FBXO3: variants seen among roughly 807,000 people sequenced by gnomAD.
The protein encoded by FBXO3 is F-box protein 3.
In FBXO3, 17 loss-of-function variants were observed where a neutral mutation model predicts 64.8. That is an observed-to-expected ratio of 0.26 (90% confidence interval 0.18 to 0.39). The LOEUF is 0.39. FBXO3 is among the 10% of genes least tolerant of loss of function. The pLI, the probability that FBXO3 is intolerant of heterozygous loss-of-function variation, is 1.00. For missense variants in FBXO3, 420 were observed against 589.9 expected, an observed-to-expected ratio of 0.71 and a Z score of 2.98; for synonymous variants, 182 against 201.6, an observed-to-expected ratio of 0.90 and a Z score of 0.82.
At chr11:33,746,472 T>C in intron 10 of FBXO3, 2 of 497,770 alleles carry the variant, frequency 4.0e-6, no homozygotes, top group Admixed American at 6.6e-5. Context: ...CTTAAACCCA[T>C]CCATCAGGGT....
intron 9 of FBXO3, among the ~76,000 whole-genome samples, chr11:33,747,702 G>C (rs978911798): frequency 6.6e-6 from 1 of 151,980 alleles, no homozygotes; most frequent in Non-Finnish European, 1.5e-5. Context: ...AGTAGAGGCA[G>C]GGTTTTGCCA....
At chr11:33,745,541 C>G (rs1854793804) in intron 10 of FBXO3, 1 of 152,066 alleles carries the variant, frequency 6.6e-6, no homozygotes, top group Non-Finnish European at 1.5e-5. Flanking sequence ...TAACTGAAAA[C>G]TCCCCCAAAT....
In FBXO3 at chr11:33,741,776, AC is replaced by A; in HGVS notation, c.*131del. On this transcript the variant is annotated 3_prime_UTR_variant, in exon 11 of 11. Coordinates refer to ENST00000265651, the MANE Select transcript of FBXO3 (RefSeq NM_012175.4). ...AATTCCTAATGTAGTGTCACATAGA[AC>A]CCAGGGCCTGAAACAATATTTCATG... The A allele has an allele frequency of 1.1e-6, 1 of 889,454 alleles. No individual in the cohort carries two copies. 55.1% of individuals were successfully genotyped at this position (889,454 alleles called of 1,614,324 possible). A position where few individuals can be genotyped will look rare whatever the true frequency, so the allele number is the denominator to read the frequency against.
rs1354924236 is a variant in FBXO3, at chr11:33,743,756, T to G, written c.1240-1672A>C. ...CCTAATTCCCTCTGCTCCTTTCACG[T>G]TTCAGCTTAAATGTCACCAAGGCCT... is the stretch of plus-strand genomic sequence containing the variant. On this transcript the variant is annotated intron_variant, in intron 10 of 10. Coordinates refer to ENST00000265651, the MANE Select transcript of FBXO3 (RefSeq NM_012175.4). The surrounding 1 kb of genome is among the most constrained non-coding windows in gnomAD (Gnocchi z 4.6). The G allele has an allele frequency of 6.6e-6, 1 of 152,320 alleles. No homozygotes were observed. The highest frequency in any genetic ancestry group is 1.5e-5 in the Non-Finnish European group (1 of 68,096). The allele number at this position is 152,320 out of a possible 1,614,324, so 9.4% of individuals were successfully genotyped here. A position where few individuals can be genotyped will look rare whatever the true frequency, so the allele number is the denominator to read the frequency against.
chr11:33,771,048 G>A (rs1021058810), intron 1 of FBXO3: 4 of 412,648 alleles, frequency 9.7e-6, no homozygotes, highest in Non-Finnish European at 1.8e-5. Flanking sequence ...AATAAACCCT[G>A]AAACATCTAC....
chr11:33,765,805 C>A (rs1855355164), intron 3 of FBXO3, among the ~76,000 whole-genome samples: 2 of 152,166 alleles, frequency 1.3e-5, no homozygotes, highest in South Asian at 4.2e-4. Flanking sequence ...TGTGCCGTAC[C>A]TCCCCCTCTT....
chr11:33,769,854 GTTTTTT>G lies in FBXO3; in HGVS notation c.195-846_195-841del, dbSNP rs35225091. ...TGGGGAAAAGAACAACTCAGGGTGG[GTTTTTT>G]TTTTTTTTTTTTTGCGGGGGTAGAA... On this transcript the variant is annotated intron_variant, in intron 2 of 10. Transcript: ENST00000265651. Among the ~76,000 whole-genome samples the G allele has an allele frequency of 5.6e-5, 7 of 124,106 alleles. No individual in the cohort carries two copies. In the South Asian group the frequency reaches 1.4e-3, roughly 24 times the overall value. The allele number at this position is 124,106 out of a possible 152,430, so 81.4% of individuals were successfully genotyped here. A position where few individuals can be genotyped will look rare whatever the true frequency, so the allele number is the denominator to read the frequency against.
At position 33,755,978 on chromosome 11, in the gene FBXO3, G is replaced by GT; in HGVS notation, c.474-4_474-3insA. 1 of 1,613,542 alleles carries GT rather than the reference G, an allele frequency of 6.2e-7. No individual in the cohort carries two copies. The highest frequency in any genetic ancestry group is 8.5e-7 in the Non-Finnish European group (1 of 1,179,700). On this transcript the variant is annotated splice_region_variant and splice_polypyrimidine_tract_variant and intron_variant, in intron 4 of 10. Coordinates refer to ENST00000265651, the MANE Select transcript of FBXO3 (RefSeq NM_012175.4). Reference sequence around the variant, plus strand: ...ACAGTGCCATGCTTCCCAATAACCTGAGGAGCATACAGACTCAAACATGTA... The same window carrying GT: ...ACAGTGCCATGCTTCCCAATAACCTGTAGGAGCATACAGACTCAAACATGTA...
intron 3 of FBXO3, among the ~76,000 whole-genome samples, chr11:33,768,159 AAAAAAACTTGGAGGGTAAAGCAG>A (rs1294165234): frequency 3.9e-5 from 6 of 152,182 alleles, no homozygotes; most frequent in South Asian, 4.1e-4. Context: ...TAGAAATCTG[AAAAAAACTTGGAGGGTAAAGCAG>A]GTAAGTAGCA....
intron 1 of FBXO3, 173 bp downstream of exon 1, chr11:33,774,221 C>T (rs1590593734): frequency 3.4e-6 from 2 of 592,228 alleles, no homozygotes; most frequent in Admixed American, 3.2e-5. Flanking sequence ...AGGCCCTTTC[C>T]GCCCCCGTCT....
chr11:33,746,968 T>C, intron 10 of FBXO3, 162 bp downstream of exon 10: 1 of 1,469,684 alleles, frequency 6.8e-7, no homozygotes, highest in Non-Finnish European at 8.9e-7. Context: ...CTCATTTACT[T>C]GTCCATTTCT....
At position 33,754,512 on chromosome 11, in the gene FBXO3, AAAG is replaced by A; in HGVS notation, c.679-15_679-13del. On this transcript the variant is annotated splice_polypyrimidine_tract_variant and intron_variant, in intron 5 of 10. Coordinates refer to ENST00000265651, the MANE Select transcript of FBXO3 (RefSeq NM_012175.4). ...CGAGCCATTTGGTCCTAGGTGAGAA[AAAG>A]AATACAATCGATAAAAACACATTTT... 6.4e-7 allele frequency: 1 copy of A among 1,565,920 alleles called. No individual in the cohort carries two copies. The highest frequency in any genetic ancestry group is 1.4e-5 in the African/African-American group (1 of 73,114).
At chr11:33,755,041 T>A (rs941189267) in intron 5 of FBXO3, among the ~76,000 whole-genome samples, 1 of 151,894 alleles carries the variant, frequency 6.6e-6, no homozygotes, top group Admixed American at 6.6e-5. Flanking sequence ...AGTTTTTGTG[T>A]GTTTTTTTTC....
chr11:33,758,975 T>G (rs1284396635), intron 3 of FBXO3, among the ~76,000 whole-genome samples: 2 of 152,166 alleles, frequency 1.3e-5, no homozygotes. Context: ...CTGATGTTAT[T>G]TAAGAGTTTT....
Position 33,741,856 on chromosome 11 carries a change from A to G in FBXO3, c.*52T>C. 1 of 1,507,118 alleles carries G rather than the reference A, an allele frequency of 6.6e-7. No homozygotes were observed. The highest frequency in any genetic ancestry group is 1.4e-5 in the African/African-American group (1 of 71,340). 93.4% of individuals were successfully genotyped at this position (1,507,118 alleles called of 1,614,324 possible). On this transcript the variant is annotated 3_prime_UTR_variant, in exon 11 of 11. Coordinates refer to ENST00000265651, the MANE Select transcript of FBXO3 (RefSeq NM_012175.4). ...ATTTAGTTATTTACATTATTGAGAAATCTATTTAACAGCCTAGAATCATCC... is the reference window on the plus strand; with the variant it reads ...ATTTAGTTATTTACATTATTGAGAAGTCTATTTAACAGCCTAGAATCATCC...
chr11:33,755,374 G>A (rs962459131), intron 5 of FBXO3, among the ~76,000 whole-genome samples: 2 of 151,956 alleles, frequency 1.3e-5, no homozygotes, highest in East Asian at 1.9e-4. Flanking sequence ...TACATTTTTC[G>A]ATACATCAAA....
chr11:33,752,694 C>T (rs1313924081), intron 6 of FBXO3, among the ~76,000 whole-genome samples: 1 of 152,064 alleles, frequency 6.6e-6, no homozygotes, highest in African/African-American at 2.4e-5. Flanking sequence ...TGATCATGTA[C>T]CTACTTTGAG....
At chr11:33,746,903 A>T in intron 10 of FBXO3, 1 of 1,424,506 alleles carries the variant, frequency 7.0e-7, no homozygotes, top group South Asian at 1.6e-5. Context: ...TGAACAGTGA[A>T]AAACAAGTTG....
At chr11:33,758,127 G>A (rs1112841) in intron 4 of FBXO3, among the ~76,000 whole-genome samples, 47,343 of 151,916 alleles carry the variant, frequency 0.31, 7,831 homozygotes, top group East Asian at 0.51. Context: ...TAGAATTTGC[G>A]TCAAGCTCCC....
Sources: gnomAD v4.1 joint callset for allele counts (sites outside exome capture counted in the v4.1 genomes callset) on GRCh38, gnomAD v4.1.1 for gene constraint, Gnocchi (gnomAD v3.1) non-coding constraint, MANE v1.5 for transcripts, NCBI Gene and HGNC (gene_info 2026-07-23, HGNC 2026-07-21) for gene names.